LCLAT1: variants seen among roughly 807,000 people sequenced by gnomAD.
LCLAT1 encodes the protein lysocardiolipin acyltransferase 1.
A neutral mutation model predicts 30.7 loss-of-function variants in LCLAT1; 11 were observed. The observed-to-expected ratio is 0.36, with a 90% CI of 0.23 to 0.59. The LOEUF is 0.59. Ranked by LOEUF, LCLAT1 falls within the 20% of genes least tolerant of loss-of-function variation. LCLAT1 has a pLI of 0.77. For missense variants in LCLAT1, 402 were observed against 458.6 expected (o/e 0.88, Z 1.13); for synonymous variants, 155 against 151.3 (o/e 1.02, Z -0.18).
Position 30,525,719 on chromosome 2 carries a change from C to T in LCLAT1, c.129C>T (p.Asn43=), listed in dbSNP as rs954885151. The T allele has an allele frequency of 1.9e-6, 3 of 1,614,122 alleles. No individual in the cohort carries two copies. Among genetic ancestry groups the T allele is most frequent in the Non-Finnish European group, 2.5e-6 (3 of 1,180,018 alleles). ...FVNPSWYRWI[N]NRLVATWLTL... The stretch of plus-strand genomic sequence containing the variant: ...ACCCATCTTGGTATCGCTGGATCAA[C>T]AACCGCCTTGTGGCAACATGGCTCA... Residue 43 remains asparagine, a synonymous_variant, in exon 2 of 6, where the codon AAC becomes AAT. Coordinates refer to ENST00000379509, the MANE Select transcript of LCLAT1 (RefSeq NM_001002257.3).
intron 3 of LCLAT1, among the ~76,000 whole-genome samples, chr2:30,539,874 G>A (rs1378978823): frequency 2.6e-5 from 4 of 152,162 alleles, no homozygotes; most frequent in Non-Finnish European, 5.9e-5. Context: ...AAAGAAAATG[G>A]AGTTTAAGAA....
At chr2:30,602,062 T>G (rs938572101) in intron 5 of LCLAT1, among the ~76,000 whole-genome samples, 2 of 152,054 alleles carry the variant, frequency 1.3e-5, no homozygotes, top group Admixed American at 6.6e-5. Context: ...GTAGGAGACT[T>G]GGTTGTTTTT....
intron 1 of LCLAT1, among the ~76,000 whole-genome samples, chr2:30,455,167 C>G (rs1403682438): frequency 7.9e-5 from 12 of 152,080 alleles, no homozygotes; most frequent in Admixed American, 5.2e-4. Flanking sequence ...CTTTCTTTAA[C>G]TGTAAAAAAA....
chr2:30,531,288 C>T (rs1156804431), intron 2 of LCLAT1, among the ~76,000 whole-genome samples: 1 of 151,988 alleles, frequency 6.6e-6, no homozygotes, highest in Non-Finnish European at 1.5e-5. Flanking sequence ...GAAAAAGGGA[C>T]ATTTTTTGCT....
intron 1 of LCLAT1, among the ~76,000 whole-genome samples, chr2:30,498,787 G>A (rs766193552): frequency 2.0e-5 from 3 of 152,114 alleles, no homozygotes; most frequent in Non-Finnish European, 4.4e-5. Context: ...TTTCTCTTTT[G>A]TTCCATGTCT....
At chr2:30,565,283 G>T (rs569606537) in intron 4 of LCLAT1, among the ~76,000 whole-genome samples, 1 of 152,284 alleles carries the variant, frequency 6.6e-6, no homozygotes, top group African/African-American at 2.4e-5. Context: ...GCCAAAGGCA[G>T]TCTAGAGGCA....
At position 30,525,583 on chromosome 2, in the gene LCLAT1, T is replaced by C; in HGVS notation, c.-4-4T>C. On this transcript the variant is annotated splice_polypyrimidine_tract_variant and splice_region_variant and intron_variant, in intron 1 of 5. Coordinates refer to ENST00000379509, the MANE Select transcript of LCLAT1 (RefSeq NM_001002257.3). ...CAAAATATATCCTTTTTTATATCTT[T>C]CAGAATCATGGTGTCATGGAAAGGG... 6.2e-7 allele frequency: 1 copy of C among 1,609,558 alleles called. No homozygotes were observed. The highest frequency in any genetic ancestry group is 8.5e-7 in the Non-Finnish European group (1 of 1,176,422).
chr2:30,632,011 G>A (rs1473753939), intron 5 of LCLAT1, among the ~76,000 whole-genome samples: 1 of 152,166 alleles, frequency 6.6e-6, no homozygotes, highest in Non-Finnish European at 1.5e-5. Context: ...TGAAGATCCA[G>A]AGAACCAGTA....
rs191539663 is a variant in LCLAT1 at position 30,471,579 on chromosome 2, T to G, written c.-5+24196T>G. On this transcript the variant is annotated intron_variant, in intron 1 of 5. Coordinates refer to ENST00000379509, the MANE Select transcript of LCLAT1 (RefSeq NM_001002257.3). The stretch of plus-strand genomic sequence containing the variant: ...TTAGATTTTCCTTAATTTGTTAATG[T>G]TTTGTGGTTTTCAAAGTGTCTTTTA... 3.5e-3 allele frequency among the ~76,000 whole-genome samples: 537 copies of G among 152,336 alleles called. 1 individual carries two copies. Among genetic ancestry groups the G allele is most frequent in the African/African-American group, 0.011 (466 of 41,584 alleles).
chr2:30,455,081 A>T (rs561035127), intron 1 of LCLAT1, among the ~76,000 whole-genome samples: 13 of 152,094 alleles, frequency 8.5e-5, no homozygotes, highest in African/African-American at 2.4e-4. Flanking sequence ...CTGAGTATAC[A>T]GTGGATATAA....
intron 1 of LCLAT1, among the ~76,000 whole-genome samples, chr2:30,524,414 C>T (rs1685613499): frequency 6.6e-6 from 1 of 152,172 alleles, no homozygotes; most frequent in African/African-American, 2.4e-5. Flanking sequence ...GCTAACTTGT[C>T]ATTGTTTTTA....
chr2:30,585,339 T>G (rs1411354174), intron 5 of LCLAT1, among the ~76,000 whole-genome samples: 1 of 152,184 alleles, frequency 6.6e-6, no homozygotes, highest in Non-Finnish European at 1.5e-5. Context: ...CTTTTACCTC[T>G]CTCAGAAATC....
intron 3 of LCLAT1, among the ~76,000 whole-genome samples, chr2:30,536,838 G>A (rs1231704094): frequency 2.0e-5 from 3 of 152,204 alleles, no homozygotes; most frequent in African/African-American, 7.2e-5. Flanking sequence ...CAATTTAAAA[G>A]TAGTGGGGAT....
At chr2:30,590,954 C>G (rs1322775858) in intron 5 of LCLAT1, among the ~76,000 whole-genome samples, 1 of 152,046 alleles carries the variant, frequency 6.6e-6, no homozygotes, top group Non-Finnish European at 1.5e-5. Flanking sequence ...CTAAATGTTC[C>G]CTCTTCAGTC....
intron 1 of LCLAT1, among the ~76,000 whole-genome samples, chr2:30,467,897 C>T (rs1682531166): frequency 6.6e-6 from 1 of 152,174 alleles, no homozygotes; most frequent in East Asian, 1.9e-4. Flanking sequence ...GTTGCCTGTT[C>T]ACTCTGATGG....
intron 5 of LCLAT1, among the ~76,000 whole-genome samples, chr2:30,620,683 A>T (rs905418017): frequency 2.0e-5 from 3 of 152,220 alleles, no homozygotes; most frequent in Non-Finnish European, 4.4e-5. Context: ...GACTACGAAA[A>T]AAGCAATCCT....
intron 1 of LCLAT1, among the ~76,000 whole-genome samples, chr2:30,498,161 G>A (rs576647239): frequency 6.6e-6 from 1 of 152,294 alleles, no homozygotes; most frequent in Non-Finnish European, 1.5e-5. Context: ...CTGAGAGGGG[G>A]CCTGAAAGAG....
intron 5 of LCLAT1, among the ~76,000 whole-genome samples, chr2:30,588,318 G>A (rs1038989292): frequency 2.0e-5 from 3 of 152,150 alleles, no homozygotes; most frequent in Non-Finnish European, 2.9e-5. Flanking sequence ...CATATCCTTG[G>A]GGATAAACAC....
In LCLAT1 at chr2:30,560,278, AGTGTG is replaced by A. The variant is rs1166246216; in HGVS notation, c.365-1862_365-1858del. The stretch of plus-strand genomic sequence containing the variant: ...GTTTGGACTTACCCAGGCCAAATAA[AGTGTG>A]GTGTGTGTGTGTGTGTGTGTGTGTG... On this transcript the variant is annotated intron_variant, in intron 3 of 5. Coordinates refer to ENST00000379509, the MANE Select transcript of LCLAT1 (RefSeq NM_001002257.3). Among the ~76,000 whole-genome samples the A allele has an allele frequency of 8.7e-5, 12 of 137,958 alleles. No homozygotes were observed. The Admixed American group carries it at 9.1e-4, about 10-fold the overall frequency. The allele number at this position is 137,958 out of a possible 152,430, so 90.5% of individuals were successfully genotyped here. A position where few individuals can be genotyped will look rare whatever the true frequency, so the allele number is the denominator to read the frequency against.
Sources: allele counts gnomAD v4.1 joint callset (sites outside exome capture counted in the v4.1 genomes callset), GRCh38; gene constraint gnomAD v4.1.1; transcripts MANE v1.5; gene names NCBI Gene and HGNC (gene_info 2026-07-23, HGNC 2026-07-21).